MICU3: variants seen among roughly 807,000 people sequenced by gnomAD.
MICU3 encodes the protein calcium uptake protein 3, mitochondrial.
MICU3 carries 62 observed loss-of-function variants against 66.5 expected under a neutral mutation model. The ratio of observed to expected loss-of-function variants is 0.93; its 90% CI spans 0.76 to 1.15. The LOEUF is 1.15. MICU3 is among the 50% of genes most tolerant of loss of function. The pLI is 0.00. For missense variants in MICU3, 779 were observed against 664.4 expected, an observed-to-expected ratio of 1.17 and a Z score of -1.90; for synonymous variants, 308 against 240.7, an observed-to-expected ratio of 1.28 and a Z score of -2.59.
Position 17,086,982 on chromosome 8 carries a change from A to G in MICU3, c.796A>G (p.Lys266Glu), listed in dbSNP as rs762169541. 4 of 1,590,072 alleles carry G rather than the reference A, an allele frequency of 2.5e-6. No individual in the cohort carries two copies. The African/African-American group carries it at 5.4e-5, about 21-fold the overall frequency. ...TTGTCAGCTTCAAGAGATATTCAGG[A>G]AAAAAAATGAAAAGAGAGAAATTAA... ...EFLVLQEIFRKKNEKREIKGD... is the reference protein window; with the variant it reads ...EFLVLQEIFREKNEKREIKGD... The change falls in exon 7 of 15, where the codon AAA (lysine) becomes GAA (glutamate). Residue 266 changes from lysine to glutamate, a missense_variant. Physicochemically the swap from Lys to Glu is moderately conservative, Grantham distance 56. Transcript: ENST00000318063.
chr8:17,028,370 A>C (rs758947930), intron 1 of MICU3, among the ~76,000 whole-genome samples: 9 of 152,224 alleles, frequency 5.9e-5, no homozygotes, highest in Non-Finnish European at 8.8e-5. Flanking sequence ...AAGTCACGTG[A>C]AAATGTTCAA....
At chr8:17,110,809 T>A (rs188679712) in intron 11 of MICU3, among the ~76,000 whole-genome samples, 111 of 152,154 alleles carry the variant, frequency 7.3e-4, no homozygotes, top group African/African-American at 2.6e-3. Context: ...ACTCCTGACT[T>A]CAAGTGATCC....
Position 17,027,243 on chromosome 8 carries a change from C to A in MICU3, c.-37C>A. 1.4e-6 allele frequency: 1 copy of A among 739,760 alleles called. No individual in the cohort carries two copies. The highest frequency in any genetic ancestry group is 1.8e-6 in the Non-Finnish European group (1 of 571,028). 45.8% of individuals were successfully genotyped at this position (739,760 alleles called of 1,614,324 possible). ...CCCCCCGCCCCCGCCCCTCCGTTCT[C>A]TGCCCCCTCCCAGCTCTGGTGTGGG... On this transcript the variant is annotated 5_prime_UTR_variant, in exon 1 of 15. In the 5' UTR this introduces an upstream ATG that the reference lacks. Transcript: ENST00000318063.
At chr8:17,036,001 G>C (rs944701074) in intron 1 of MICU3, among the ~76,000 whole-genome samples, 2 of 152,182 alleles carry the variant, frequency 1.3e-5, no homozygotes, top group African/African-American at 4.8e-5. Flanking sequence ...TTTGTGTCCG[G>C]AATTGATGGG....
intron 14 of MICU3, 68 bp from the exon 15 acceptor site, chr8:17,120,220 T>G (rs1370306736): frequency 1.3e-5 from 2 of 152,028 alleles, no homozygotes; most frequent in Non-Finnish European, 2.9e-5. Flanking sequence ...TAAGAATATT[T>G]AACACTATCA....
intron 1 of MICU3, among the ~76,000 whole-genome samples, chr8:17,039,796 A>G (rs542141732): frequency 3.3e-5 from 5 of 151,750 alleles, no homozygotes; most frequent in Non-Finnish European, 5.9e-5. Context: ...ACCCTATAAA[A>G]TAATTTTATA....
At chr8:17,128,100 C>T in the MICU3 span, among the ~76,000 whole-genome samples, 1 of 152,020 alleles carries the variant, frequency 6.6e-6, no homozygotes, top group Admixed American at 6.6e-5. Context: ...GCCCTGAAGC[C>T]AGAGTTCTCT....
chr8:17,115,881 G>T (rs570908134), intron 12 of MICU3, among the ~76,000 whole-genome samples: 108 of 151,970 alleles, frequency 7.1e-4, no homozygotes, highest in Non-Finnish European at 1.3e-3. Context: ...CCACCTCCCC[G>T]CCTGCCTTGG....
At position 17,062,660 on chromosome 8, in the gene MICU3, G is replaced by A. The variant is rs939625251; in HGVS notation, c.382-1424G>A. Among the ~76,000 whole-genome samples, 10 of 151,994 alleles carry A rather than the reference G, an allele frequency of 6.6e-5. 1 individual carries two copies. The highest frequency in any genetic ancestry group is 4.6e-4 in the Admixed American group (7 of 15,262). On this transcript the variant is annotated intron_variant, in intron 1 of 14. Transcript: ENST00000318063. ...TATATGAAATCATTTTATAAAATACGTGAAAGTATAATTTGTGTGTTACTG... is the reference window on the plus strand; with the variant it reads ...TATATGAAATCATTTTATAAAATACATGAAAGTATAATTTGTGTGTTACTG...
chr8:17,034,956 G>T (rs552033450), intron 1 of MICU3, among the ~76,000 whole-genome samples: 5 of 152,194 alleles, frequency 3.3e-5, no homozygotes, highest in Non-Finnish European at 5.9e-5. Context: ...ACCTTGAAGT[G>T]TAATAACACA....
At position 17,064,225 on chromosome 8, in the gene MICU3, G is replaced by C. The variant is rs1484644985; in HGVS notation, c.523G>C (p.Asp175His). The change falls in exon 2 of 15, where the codon GAT becomes CAT. Residue 175 changes from aspartate (D) to histidine (H), a missense_variant. By Grantham distance (81) the Asp-to-His change is moderately conservative. Coordinates refer to ENST00000318063, the MANE Select transcript of MICU3 (RefSeq NM_181723.3). The stretch of plus-strand genomic sequence containing the variant: ...TGATTTTATTTTGGCTGTTACAACA[G>C]ATGAGCCCAAAGGTAAGTACACTTT... ...PYDFILAVTTDEPKVAKTWKS... is the reference protein window; with the variant it reads ...PYDFILAVTTHEPKVAKTWKS... The C allele has an allele frequency of 1.2e-6, 2 of 1,611,412 alleles. No homozygotes were observed. The highest frequency in any genetic ancestry group is 2.7e-5 in the African/African-American group (2 of 74,850).
chr8:17,114,424 T>C (rs1192698262), intron 12 of MICU3, among the ~76,000 whole-genome samples: 5 of 152,088 alleles, frequency 3.3e-5, no homozygotes, highest in East Asian at 1.9e-4. Context: ...TGTGTACCTA[T>C]GGAGGAAGCA....
chr8:17,065,726 T>C (rs1818575653), intron 2 of MICU3, among the ~76,000 whole-genome samples: 1 of 152,164 alleles, frequency 6.6e-6, no homozygotes, highest in Admixed American at 6.5e-5. Context: ...TGATGGTTTT[T>C]TAAAATGATG....
At chr8:17,033,275 GT>G (rs1812400452) in intron 1 of MICU3, among the ~76,000 whole-genome samples, 1 of 152,172 alleles carries the variant, frequency 6.6e-6, no homozygotes, top group Admixed American at 6.5e-5. Context: ...CAGCGGAAAA[GT>G]TTTTGAAGGA....
chr8:17,105,274 G>C, intron 10 of MICU3, 139 bp from the exon 11 acceptor site: 1 of 557,912 alleles, frequency 1.8e-6, no homozygotes, highest in Non-Finnish European at 3.1e-6. Flanking sequence ...CTCATTTACA[G>C]GGAGGAACTT....
At chr8:17,035,509 G>T (rs1246154692) in intron 1 of MICU3, among the ~76,000 whole-genome samples, 1 of 152,222 alleles carries the variant, frequency 6.6e-6, no homozygotes, top group African/African-American at 2.4e-5. Context: ...CGAGGAACTT[G>T]TTGGGAACTG....
chr8:17,054,445 T>G (rs944595068), intron 1 of MICU3, among the ~76,000 whole-genome samples: 3 of 152,186 alleles, frequency 2.0e-5, no homozygotes, highest in African/African-American at 7.2e-5. Flanking sequence ...ATTTTAGATT[T>G]AGAATTTTTG....
chr8:17,129,879 A>G, the MICU3 span, among the ~76,000 whole-genome samples: 12 of 152,362 alleles, frequency 7.9e-5, no homozygotes, highest in South Asian at 2.3e-3. Context: ...TTCAGAGACA[A>G]AAGATATATA....
chr8:17,080,042 C>T (rs923729382), intron 4 of MICU3, among the ~76,000 whole-genome samples: 2 of 151,438 alleles, frequency 1.3e-5, no homozygotes, highest in African/African-American at 4.8e-5. Flanking sequence ...CTTTCTTATC[C>T]TCTGTTTCTA....
Sources: gnomAD v4.1 joint callset for allele counts (sites outside exome capture counted in the v4.1 genomes callset) on GRCh38, gnomAD v4.1.1 for gene constraint, MANE v1.5 for transcripts, NCBI Gene and HGNC (gene_info 2026-07-23, HGNC 2026-07-21) for gene names.